Variants in ODR4 observed in about 807,000 individuals in gnomAD.
The protein encoded by ODR4 is odr-4 GPCR localization factor homolog.
Under a neutral mutation model 60.2 loss-of-function variants are expected in ODR4, and 47 were observed. The ratio of observed to expected loss-of-function variants is 0.78; its 90% CI spans 0.62 to 1.00. The LOEUF (loss-of-function observed/expected upper bound fraction) is 1.00, where lower values mean the gene tolerates loss of function less well. Ranked by LOEUF, ODR4 falls within the 50% of genes least tolerant of loss-of-function variation. The pLI, the probability that ODR4 is intolerant of heterozygous loss-of-function variation, is 0.00. For missense variants in ODR4, 488 were observed against 530.8 expected (o/e 0.92, Z 0.79); for synonymous variants, 178 against 175.5 (o/e 1.01, Z -0.11).
downstream of ODR4, among the ~76,000 whole-genome samples, chr1:186,426,175 G>C (rs193094544): frequency 6.6e-6 from 1 of 152,104 alleles, no homozygotes; most frequent in Non-Finnish European, 1.5e-5. Context: ...TTGAGGCTAC[G>C]TAAGTTTTGG....
chr1:186,390,622 T>C (rs1660430389), intron 6 of ODR4, 89 bp from the exon 7 acceptor site: 2 of 1,349,364 alleles, frequency 1.5e-6, no homozygotes, highest in Non-Finnish European at 2.1e-6. Context: ...GTATGCGTTA[T>C]TTAGGTTGTA....
chr1:186,422,425 T>C (rs1352271893), downstream of ODR4, among the ~76,000 whole-genome samples: 3 of 152,186 alleles, frequency 2.0e-5, no homozygotes, highest in East Asian at 5.8e-4. Flanking sequence ...GTGAAAGCAT[T>C]TTAATGTAAT....
chr1:186,414,255 G>A (rs1661471664), intron 12 of ODR4, among the ~76,000 whole-genome samples: 2 of 152,052 alleles, frequency 1.3e-5, no homozygotes, highest in South Asian at 2.1e-4. Flanking sequence ...TTTAAAAATG[G>A]AAATAGGGCA....
intron 12 of ODR4, among the ~76,000 whole-genome samples, chr1:186,410,605 T>A (rs1209367306): frequency 6.6e-6 from 1 of 152,200 alleles, no homozygotes; most frequent in Non-Finnish European, 1.5e-5. Context: ...AGATTAGTGA[T>A]CAGAATTTTA....
At chr1:186,411,325 T>TG (rs1661376057) in intron 12 of ODR4, among the ~76,000 whole-genome samples, 1 of 152,182 alleles carries the variant, frequency 6.6e-6, no homozygotes, top group African/African-American at 2.4e-5. Flanking sequence ...TCACTTCAAC[T>TG]GAAAGGTCAC....
chr1:186,412,452 C>T lies in ODR4; in HGVS notation c.1187-5092C>T, dbSNP rs373370322. 5.9e-5 allele frequency among the ~76,000 whole-genome samples: 9 copies of T among 152,002 alleles called. No homozygotes were observed. In the East Asian group the frequency reaches 1.2e-3, roughly 20 times the overall value. The stretch of plus-strand genomic sequence containing the variant: ...ACACTGGTATGAGATGTATTACAAC[C>T]AAGAATATGACTTACCTAGAAGTAT... On this transcript the variant is annotated intron_variant, in intron 12 of 13. Transcript: ENST00000287859.
At chr1:186,410,255 T>C (rs1297050077) in intron 12 of ODR4, among the ~76,000 whole-genome samples, 2 of 152,206 alleles carry the variant, frequency 1.3e-5, no homozygotes, top group Admixed American at 1.3e-4. Flanking sequence ...ATTGAACATG[T>C]TGAGGGTTTA....
chr1:186,432,115 G>A, the ODR4 span, among the ~76,000 whole-genome samples: 67 of 152,192 alleles, frequency 4.4e-4, no homozygotes, highest in African/African-American at 1.4e-3. Flanking sequence ...GCTTGGAGGT[G>A]GGAGGGGACC....
At position 186,420,954 on chromosome 1, in the gene ODR4, A is replaced by G. The variant is rs1164914240; in HGVS notation, c.*1878A>G. The stretch of plus-strand genomic sequence containing the variant: ...CCAGGCCTAGACTCAAGGTATTGTA[A>G]ATGACAAGATACCAAATACAAGATT... On this transcript the variant is annotated 3_prime_UTR_variant, in exon 14 of 14. Transcript: ENST00000287859. 6.6e-6 allele frequency: 1 copy of G among 152,200 alleles called. No homozygotes were observed. The highest frequency in any genetic ancestry group is 1.5e-5 in the Non-Finnish European group (1 of 68,024). The allele number at this position is 152,200 out of a possible 1,614,324, so 9.4% of individuals were successfully genotyped here.
Position 186,387,197 on chromosome 1 carries a change from G to A in ODR4, c.330+1114G>A, listed in dbSNP as rs188095090. 4.2e-4 allele frequency among the ~76,000 whole-genome samples: 64 copies of A among 152,190 alleles called. 1 individual carries two copies. Among genetic ancestry groups the A allele is most frequent in the African/African-American group, 1.3e-3 (56 of 41,506 alleles). On this transcript the variant is annotated intron_variant, in intron 4 of 13. Transcript: ENST00000287859. ...GTCCTGTCAGATGTCCCAGCCTCAA[G>A]CCTTTGATATTTGCACCTAAGGGAG...
rs1661165940 is a variant in ODR4 at position 186,406,115 on chromosome 1, C to T, written c.1033C>T (p.Arg345Ter). 2 of 1,594,026 alleles carry T rather than the reference C, an allele frequency of 1.3e-6. No homozygotes were observed. Among genetic ancestry groups the T allele is most frequent in the Non-Finnish European group, 8.5e-7 (1 of 1,171,244 alleles). Residue 345 changes from arginine (R) to a stop codon, truncating the protein, a stop_gained, in exon 12 of 14, where the codon CGA becomes TGA. Coordinates refer to ENST00000287859, the MANE Select transcript of ODR4 (RefSeq NM_017847.6). LOFTEE classifies it high-confidence loss of function. Reference sequence around the variant, plus strand: ...AAAAGAGTTCCACGTCCTCCCTTATCGAGTCTTTGTTCCCCTTCCTGGATC... The same window carrying T: ...AAAAGAGTTCCACGTCCTCCCTTATTGAGTCTTTGTTCCCCTTCCTGGATC... Reference protein sequence around the residue: ...SEKEFHVLPYRVFVPLPGSTV... With the variant: ...SEKEFHVLPY
Position 186,420,736 on chromosome 1 carries a change from C to G in ODR4, c.*1660C>G, listed in dbSNP as rs528639342. 42 of 151,998 alleles carry G rather than the reference C, an allele frequency of 2.8e-4. No individual in the cohort carries two copies. The highest frequency in any genetic ancestry group is 8.4e-4 in the African/African-American group (35 of 41,440). 9.4% of individuals were successfully genotyped at this position (151,998 alleles called of 1,614,324 possible). A position where few individuals can be genotyped will look rare whatever the true frequency, so the allele number is the denominator to read the frequency against. On this transcript the variant is annotated 3_prime_UTR_variant, in exon 14 of 14. Coordinates refer to ENST00000287859, the MANE Select transcript of ODR4 (RefSeq NM_017847.6). ...GTGAGCAGTGAGGAGAAACAAGGAG[C>G]TAGAAAACATTGGAAAGTTAAGAGA... is the stretch of plus-strand genomic sequence containing the variant.
chr1:186,422,153 T>A (rs910379429), downstream of ODR4, among the ~76,000 whole-genome samples: 5 of 151,880 alleles, frequency 3.3e-5, no homozygotes, highest in Middle Eastern at 3.2e-3. Context: ...AAAAAAAAAT[T>A]TTTTTTAAAT....
chr1:186,388,780 A>G (rs1205995448), intron 5 of ODR4, among the ~76,000 whole-genome samples: 2 of 152,172 alleles, frequency 1.3e-5, no homozygotes, highest in Non-Finnish European at 2.9e-5. Flanking sequence ...AAGACTCAGG[A>G]TTCTGAATTT....
chr1:186,386,349 G>T (rs1305960484), intron 4 of ODR4, among the ~76,000 whole-genome samples: 1 of 151,958 alleles, frequency 6.6e-6, no homozygotes, highest in Non-Finnish European at 1.5e-5. Flanking sequence ...CCAAAACAGG[G>T]CTATCATCAG....
chr1:186,429,806 T>A, the ODR4 span, among the ~76,000 whole-genome samples: 1 of 152,162 alleles, frequency 6.6e-6, no homozygotes, highest in Admixed American at 6.6e-5. Flanking sequence ...ACCTGGTAAG[T>A]TGTTCTTGAT....
intron 12 of ODR4, among the ~76,000 whole-genome samples, chr1:186,414,875 T>C (rs1290353498): frequency 6.6e-6 from 1 of 152,198 alleles, no homozygotes; most frequent in Non-Finnish European, 1.5e-5. Context: ...AGTTTGTTTT[T>C]GTTTTTATTT....
Position 186,406,213 on chromosome 1 carries a change from G to T in ODR4, c.1131G>T (p.Met377Ile), listed in dbSNP as rs542130297. The change falls in exon 12 of 14, where the codon ATG (methionine) becomes ATT (isoleucine). Residue 377 changes from methionine to isoleucine, a missense_variant. Coordinates refer to ENST00000287859, the MANE Select transcript of ODR4 (RefSeq NM_017847.6). ...AAATCAGGGACCATTTTATGGAGAT[G>T]TTGGATCACACAATTCAAATAGAAG... ...AEEIRDHFME[M>I]LDHTIQIEDL... 6.2e-7 allele frequency: 1 copy of T among 1,610,692 alleles called. No individual in the cohort carries two copies. Among genetic ancestry groups the T allele is most frequent in the South Asian group, 1.1e-5 (1 of 90,388 alleles).
chr1:186,392,690 T>C (rs1571674280), intron 8 of ODR4, among the ~76,000 whole-genome samples: 1 of 149,466 alleles, frequency 6.7e-6, no homozygotes, highest in Admixed American at 6.7e-5. Context: ...TGGTGGCAGG[T>C]GCCTGTAATT....
Sources: allele counts gnomAD v4.1 joint callset (sites outside exome capture counted in the v4.1 genomes callset), GRCh38; gene constraint gnomAD v4.1.1; transcripts MANE v1.5; gene names NCBI Gene and HGNC (gene_info 2026-07-23, HGNC 2026-07-21).